Variants in FBXL20 observed in about 807,000 individuals in gnomAD.
The protein encoded by FBXL20 is F-box/LRR-repeat protein 20.
In FBXL20, 11 loss-of-function variants were observed where a neutral mutation model predicts 64.0. The ratio of observed to expected loss-of-function variants is 0.17; its 90% CI spans 0.11 to 0.28. The LOEUF is 0.28. FBXL20 is among the 10% of genes least tolerant of loss of function. The pLI, the probability that FBXL20 is intolerant of heterozygous loss-of-function variation, is 1.00. For synonymous variants in FBXL20, 184 were observed against 189.0 expected (o/e 0.97, Z 0.22); for missense variants, 303 against 526.2 (o/e 0.58, Z 4.15).
intron 1 of FBXL20, among the ~76,000 whole-genome samples, chr17:39,343,663 T>A (rs1470860955): frequency 6.6e-6 from 1 of 151,582 alleles, no homozygotes; most frequent in Non-Finnish European, 1.5e-5. Context: ...GCTCAGGAGT[T>A]CAAGACCAGC....
At chr17:39,333,105 C>G (rs1270496091) in intron 2 of FBXL20, among the ~76,000 whole-genome samples, 2 of 152,012 alleles carry the variant, frequency 1.3e-5, no homozygotes, top group African/African-American at 2.4e-5. Flanking sequence ...TGGCTCTCTA[C>G]TATTTTAGAA....
intron 1 of FBXL20, among the ~76,000 whole-genome samples, chr17:39,392,132 G>C (rs1343199710): frequency 6.6e-6 from 1 of 151,650 alleles, no homozygotes; most frequent in East Asian, 1.9e-4. Flanking sequence ...GCGAGACTGA[G>C]AAGAAAAAAG....
intron 13 of FBXL20, 92 bp downstream of exon 13, chr17:39,265,305 G>A: frequency 1.1e-6 from 1 of 944,342 alleles, no homozygotes; most frequent in South Asian, 1.6e-5. Flanking sequence ...TCCTAAAATG[G>A]TAGCCAGACA....
intron 1 of FBXL20, among the ~76,000 whole-genome samples, chr17:39,378,528 G>A (rs888799851): frequency 1.3e-5 from 2 of 152,042 alleles, no homozygotes; most frequent in Admixed American, 6.6e-5. Flanking sequence ...CACACAAAAA[G>A]ATGGTCAACA....
intron 1 of FBXL20, among the ~76,000 whole-genome samples, chr17:39,382,171 C>G (rs533150599): frequency 6.6e-6 from 1 of 150,996 alleles, no homozygotes; most frequent in East Asian, 1.9e-4. Flanking sequence ...TGGCTTGGCG[C>G]GGTGGCTCAC....
intron 1 of FBXL20, among the ~76,000 whole-genome samples, chr17:39,390,608 T>G (rs1339734455): frequency 6.6e-6 from 1 of 150,746 alleles, no homozygotes; most frequent in East Asian, 1.9e-4. Context: ...CCACCTGTAG[T>G]CCCAGCTACT....
intron 10 of FBXL20, among the ~76,000 whole-genome samples, chr17:39,272,646 G>A (rs1289384856): frequency 7.2e-6 from 1 of 139,558 alleles, no homozygotes; most frequent in Non-Finnish European, 1.5e-5. Flanking sequence ...AGGTTACAGT[G>A]AGCCAAGATC....
chr17:39,290,547 AGTTAC>A (rs1479150465), intron 6 of FBXL20, among the ~76,000 whole-genome samples: 2 of 152,104 alleles, frequency 1.3e-5, no homozygotes, highest in African/African-American at 2.4e-5. Context: ...AGGTTGAAGA[AGTTAC>A]GTTATCTTAT....
chr17:39,380,474 T>C (rs2048011180), intron 1 of FBXL20, among the ~76,000 whole-genome samples: 1 of 152,182 alleles, frequency 6.6e-6, no homozygotes, highest in South Asian at 2.1e-4. Flanking sequence ...TACTATCCTT[T>C]GGCTATAATG....
At chr17:39,283,836 C>T (rs1039310640) in intron 7 of FBXL20, among the ~76,000 whole-genome samples, 1 of 152,064 alleles carries the variant, frequency 6.6e-6, no homozygotes, top group African/African-American at 2.4e-5. Context: ...TCCAAGTTTT[C>T]TATAATATTC....
At chr17:39,362,254 C>A (rs1056871676) in intron 1 of FBXL20, among the ~76,000 whole-genome samples, 2 of 151,190 alleles carry the variant, frequency 1.3e-5, no homozygotes, top group Admixed American at 6.6e-5. Context: ...GACTGCCCCA[C>A]TGCATTGCAG....
intron 1 of FBXL20, among the ~76,000 whole-genome samples, chr17:39,400,971 A>G (rs773788119): frequency 3.0e-4 from 46 of 152,366 alleles, no homozygotes; most frequent in Non-Finnish European, 5.4e-4. Context: ...CTCAACAGAC[A>G]ACAAACGCGT....
intron 1 of FBXL20, among the ~76,000 whole-genome samples, chr17:39,396,251 T>C (rs1197819744): frequency 6.6e-6 from 1 of 151,984 alleles, no homozygotes; most frequent in African/African-American, 2.4e-5. Context: ...AGTGATTGAT[T>C]CTATCTCCCT....
chr17:39,255,614 T>G lies in FBXL20; in HGVS notation c.*5846A>C, dbSNP rs1597753160. 6.6e-6 allele frequency: 1 copy of G among 151,494 alleles called. No homozygotes were observed. The highest frequency in any genetic ancestry group is 2.0e-4 in the East Asian group (1 of 5,072). 9.4% of individuals were successfully genotyped at this position (151,494 alleles called of 1,614,324 possible). A position where few individuals can be genotyped will look rare whatever the true frequency, so the allele number is the denominator to read the frequency against. On this transcript the variant is annotated 3_prime_UTR_variant, in exon 15 of 15. Coordinates refer to ENST00000264658, the MANE Select transcript of FBXL20 (RefSeq NM_032875.3). ...ATCCTAGCATGTTGGGAGGCTGAGGTGGGCAGATCACCTGAGGTTGGGAGT... is the reference window on the plus strand; with the variant it reads ...ATCCTAGCATGTTGGGAGGCTGAGGGGGGCAGATCACCTGAGGTTGGGAGT...
intron 2 of FBXL20, among the ~76,000 whole-genome samples, chr17:39,333,142 CTCTCCCTCCTCCCTCTCCG>C (rs2047479393): frequency 6.6e-6 from 1 of 151,760 alleles, no homozygotes; most frequent in Admixed American, 6.6e-5. Flanking sequence ...CTCCCTCTCC[CTCTCCCTCCTCCCTCTCCG>C]TCTCCCTCTT....
At position 39,401,456 on chromosome 17, in the gene FBXL20, C is replaced by T. The variant is rs2048243737; in HGVS notation, c.-54G>A. ...CGCTGCGGCGAGCGGAGTGCACAGA[C>T]CGGGGGCCCAGGACAGGCCCGGGAG... On this transcript the variant is annotated 5_prime_UTR_variant, in exon 1 of 15. Coordinates refer to ENST00000264658, the MANE Select transcript of FBXL20 (RefSeq NM_032875.3). The T allele has an allele frequency of 1.4e-5, 22 of 1,552,838 alleles. No individual in the cohort carries two copies. Among genetic ancestry groups the T allele is most frequent in the Non-Finnish European group, 1.8e-5 (21 of 1,150,178 alleles).
intron 2 of FBXL20, among the ~76,000 whole-genome samples, chr17:39,326,132 G>A (rs1163301663): frequency 6.6e-6 from 1 of 151,854 alleles, no homozygotes; most frequent in African/African-American, 2.4e-5. Context: ...CTTCTGCCAT[G>A]ATTAGAGACT....
intron 2 of FBXL20, among the ~76,000 whole-genome samples, chr17:39,305,932 A>G (rs1478189547): frequency 6.6e-6 from 1 of 151,368 alleles, no homozygotes; most frequent in Non-Finnish European, 1.5e-5. Context: ...GGTTGCAGTG[A>G]GCCGAGATGG....
At chr17:39,336,566 C>T in intron 2 of FBXL20, among the ~76,000 whole-genome samples, 1 of 152,148 alleles carries the variant, frequency 6.6e-6, no homozygotes, top group East Asian at 1.9e-4. Flanking sequence ...TGGCTCACAC[C>T]TATAATCCCA....
Sources: allele counts gnomAD v4.1 joint callset (sites outside exome capture counted in the v4.1 genomes callset), GRCh38; gene constraint gnomAD v4.1.1; transcripts MANE v1.5; gene names NCBI Gene and HGNC (gene_info 2026-07-23, HGNC 2026-07-21).